The following CDK8 variants were observed in gnomAD, a reference collection of about 807,000 sequenced individuals.
The protein encoded by CDK8 is cyclin-dependent kinase 8.
Under a neutral mutation model 71.5 loss-of-function variants are expected in CDK8, and 29 were observed. That is an observed-to-expected ratio of 0.41 (90% CI 0.30 to 0.55). The LOEUF (loss-of-function observed/expected upper bound fraction) is 0.55. Ranked by LOEUF, CDK8 falls within the 20% of genes least tolerant of loss-of-function variation. The probability of loss-of-function intolerance (pLI) is 0.37; values close to 1 mark genes in which losing one functional copy is unlikely to be tolerated. For synonymous variants in CDK8, 161 were observed against 192.1 expected (o/e 0.84, Z 1.34); for missense variants, 288 against 572.6 (o/e 0.50, Z 5.07).
At chr13:26,399,860 A>C (rs1438858188) in intron 9 of CDK8, among the ~76,000 whole-genome samples, 2 of 152,248 alleles carry the variant, frequency 1.3e-5, no homozygotes, top group Non-Finnish European at 2.9e-5. Context: ...GTCGACTTTC[A>C]GAGTCTCTGC....
In CDK8 at chr13:26,278,203, A is replaced by T. The variant is rs562210017; in HGVS notation, c.128+23434A>T. Among the ~76,000 whole-genome samples, 4 of 152,360 alleles carry T rather than the reference A, an allele frequency of 2.6e-5. No homozygotes were observed. In the South Asian group the frequency reaches 8.3e-4, roughly 32 times the overall value. ...GAGATTTTATGATAAAGTGTCAGGA[A>T]TCACTATTTCTTAGAGAACATCAGC... is the stretch of plus-strand genomic sequence containing the variant. On this transcript the variant is annotated intron_variant, in intron 1 of 12. Coordinates refer to ENST00000381527, the MANE Select transcript of CDK8 (RefSeq NM_001260.3).
chr13:26,263,066 C>T (rs1415345394), intron 1 of CDK8, among the ~76,000 whole-genome samples: 1 of 152,038 alleles, frequency 6.6e-6, no homozygotes, highest in African/African-American at 2.4e-5. Flanking sequence ...GAAAACTTGT[C>T]AAGTCGTGCT....
intron 1 of CDK8, among the ~76,000 whole-genome samples, chr13:26,269,511 A>C (rs1486089208): frequency 6.6e-6 from 1 of 152,072 alleles, no homozygotes; most frequent in Non-Finnish European, 1.5e-5. Context: ...TCAAAGTAGC[A>C]CATACCTCTC....
intron 1 of CDK8, among the ~76,000 whole-genome samples, chr13:26,318,564 G>C (rs1188036856): frequency 1.3e-5 from 2 of 152,088 alleles, no homozygotes; most frequent in South Asian, 4.1e-4. Context: ...TCAACAGCGT[G>C]TTAATGGGAT....
intron 1 of CDK8, among the ~76,000 whole-genome samples, chr13:26,315,591 G>A (rs7986841): frequency 0.12 from 17,736 of 152,178 alleles, 3,074 homozygotes; most frequent in African/African-American, 0.38. Context: ...AGCAATTTGT[G>A]AAAGAGTTGA....
intron 1 of CDK8, among the ~76,000 whole-genome samples, chr13:26,291,627 C>G (rs753837682): frequency 1.3e-5 from 2 of 152,136 alleles, no homozygotes; most frequent in African/African-American, 2.4e-5. Flanking sequence ...ACTTTCAGAT[C>G]TTGGATATTT....
At chr13:26,389,831 C>G (rs1875661209) in intron 6 of CDK8, among the ~76,000 whole-genome samples, 1 of 151,888 alleles carries the variant, frequency 6.6e-6, no homozygotes, top group Non-Finnish European at 1.5e-5. Context: ...AACTCCGTCT[C>G]TACTAAAAAT....
rs567693737 is a variant in CDK8 at position 26,321,114 on chromosome 13, A to G, written c.129-16453A>G. Among the ~76,000 whole-genome samples the G allele has an allele frequency of 2.6e-5, 4 of 152,334 alleles. No homozygotes were observed. The South Asian group carries it at 8.3e-4, about 32-fold the overall frequency. ...ATAAATACTGCATGATAATAGTAGT[A>G]TTATTCACAATAGCTAAAACAGGGA... On this transcript the variant is annotated intron_variant, in intron 1 of 12. Coordinates refer to ENST00000381527, the MANE Select transcript of CDK8 (RefSeq NM_001260.3).
At chr13:26,311,496 G>A (rs181805436) in intron 1 of CDK8, among the ~76,000 whole-genome samples, 1 of 152,276 alleles carries the variant, frequency 6.6e-6, no homozygotes, top group African/African-American at 2.4e-5. Flanking sequence ...ATGATTTCAG[G>A]CAACTTCTAG....
At chr13:26,321,044 T>C (rs1469477638) in intron 1 of CDK8, among the ~76,000 whole-genome samples, 1 of 152,158 alleles carries the variant, frequency 6.6e-6, no homozygotes, top group Non-Finnish European at 1.5e-5. Context: ...AAGGAGGCCT[T>C]CAAAGAGGAA....
chr13:26,323,537 A>G (rs537665674), intron 1 of CDK8, among the ~76,000 whole-genome samples: 14 of 152,178 alleles, frequency 9.2e-5, no homozygotes, highest in African/African-American at 3.4e-4. Flanking sequence ...ATTTGGGGGG[A>G]GACAGTTCAG....
At position 26,314,901 on chromosome 13, in the gene CDK8, G is replaced by A. The variant is rs188614084; in HGVS notation, c.129-22666G>A. 2.1e-3 allele frequency among the ~76,000 whole-genome samples: 321 copies of A among 152,196 alleles called. 3 individuals are homozygous for A. The highest frequency in any genetic ancestry group is 0.01 in the Middle Eastern group (3 of 294). Reference sequence around the variant, plus strand: ...TTTATACAATATTTGTCATTTAGAAGTATTTAGTTCTTTAAAGGTATAAAA... The same window carrying A: ...TTTATACAATATTTGTCATTTAGAAATATTTAGTTCTTTAAAGGTATAAAA... On this transcript the variant is annotated intron_variant, in intron 1 of 12. Coordinates refer to ENST00000381527, the MANE Select transcript of CDK8 (RefSeq NM_001260.3).
chr13:26,397,857 G>A (rs903027743), intron 9 of CDK8, among the ~76,000 whole-genome samples: 2 of 152,126 alleles, frequency 1.3e-5, no homozygotes, highest in African/African-American at 2.4e-5. Flanking sequence ...CATTGTTACA[G>A]CGTAATAATT....
At chr13:26,268,256 A>AC (rs1872125882) in intron 1 of CDK8, among the ~76,000 whole-genome samples, 13 of 116,790 alleles carry the variant, frequency 1.1e-4, no homozygotes, top group South Asian at 3.4e-4. Flanking sequence ...CCCCTCCCCC[A>AC]ACACACACAC....
chr13:26,281,769 C>G (rs1872761010), intron 1 of CDK8, among the ~76,000 whole-genome samples: 1 of 151,380 alleles, frequency 6.6e-6, no homozygotes, highest in African/African-American at 2.4e-5. Flanking sequence ...GAAAAATGCT[C>G]CAGAAGATAT....
chr13:26,297,502 A>G (rs889350069), intron 1 of CDK8, among the ~76,000 whole-genome samples: 4 of 152,120 alleles, frequency 2.6e-5, no homozygotes, highest in African/African-American at 7.2e-5. Flanking sequence ...AGAATCGTCA[A>G]CTTCAGATTT....
intron 1 of CDK8, among the ~76,000 whole-genome samples, chr13:26,285,437 C>T (rs545586711): frequency 5.1e-4 from 78 of 152,246 alleles, no homozygotes; most frequent in African/African-American, 1.8e-3. Flanking sequence ...GCAGAAAAAG[C>T]ATTTAACAAT....
intron 3 of CDK8, among the ~76,000 whole-genome samples, chr13:26,351,588 C>G (rs1873682213): frequency 6.6e-6 from 1 of 152,096 alleles, no homozygotes; most frequent in African/African-American, 2.4e-5. Context: ...TGATTTCTAG[C>G]TGCTAGTTTG....
At chr13:26,330,717 C>T (rs1875275892) in intron 1 of CDK8, among the ~76,000 whole-genome samples, 1 of 152,064 alleles carries the variant, frequency 6.6e-6, no homozygotes, top group Admixed American at 6.6e-5. Flanking sequence ...TAAGCTATTT[C>T]CACCATGTTG....
Sources: allele counts gnomAD v4.1 joint callset (sites outside exome capture counted in the v4.1 genomes callset), GRCh38; gene constraint gnomAD v4.1.1; transcripts MANE v1.5; gene names NCBI Gene and HGNC (gene_info 2026-07-23, HGNC 2026-07-21).